Variants in ZNF532 observed in about 807,000 individuals in gnomAD.
ZNF532 encodes zinc finger protein 532.
In ZNF532, 22 loss-of-function variants were observed where a neutral mutation model predicts 89.3. The ratio of observed to expected loss-of-function variants is 0.25; its 90% confidence interval spans 0.18 to 0.35. The LOEUF (loss-of-function observed/expected upper bound fraction) is 0.35, where lower values mean the gene tolerates loss of function less well. ZNF532 is among the 10% of genes least tolerant of loss of function. ZNF532 has a pLI of 1.00. For synonymous variants in ZNF532, 606 were observed against 649.6 expected, an observed-to-expected ratio of 0.93 and a Z score of 1.02; for missense variants, 1,132 against 1,643.4, an observed-to-expected ratio of 0.69 and a Z score of 5.38.
intron 3 of ZNF532, among the ~76,000 whole-genome samples, chr18:58,927,373 TC>T (rs1160894718): frequency 6.6e-6 from 1 of 151,848 alleles, no homozygotes; most frequent in Non-Finnish European, 1.5e-5. Context: ...TAGACAGTGT[TC>T]CTTTAAAAGT....
intron 6 of ZNF532, among the ~76,000 whole-genome samples, chr18:58,949,035 T>C (rs2063912527): frequency 1.3e-5 from 2 of 152,150 alleles, no homozygotes; most frequent in Admixed American, 1.3e-4. Context: ...TAGTTTCTTT[T>C]TTTTTTTTCT....
rs145960305 is a variant in ZNF532 at position 58,869,031 on chromosome 18, T to C, written c.-18+3452T>C. Among the ~76,000 whole-genome samples, 15 of 152,306 alleles carry C rather than the reference T, an allele frequency of 9.8e-5. No homozygotes were observed. The South Asian group carries it at 1.9e-3, about 19-fold the overall frequency. ...TTTAATACAGTGGTAACTATTTGTG[T>C]TTCTGACCAATCTAAACACATAAAA... On this transcript the variant is annotated intron_variant, in intron 2 of 9. Transcript: ENST00000591808.
At chr18:58,937,170 A>G (rs1237328857) in intron 4 of ZNF532, among the ~76,000 whole-genome samples, 1 of 152,204 alleles carries the variant, frequency 6.6e-6, no homozygotes, top group Admixed American at 6.5e-5. Flanking sequence ...TTAATTCAAA[A>G]AATAAAGAAA....
intron 2 of ZNF532, among the ~76,000 whole-genome samples, chr18:58,917,385 C>T (rs1259569674): frequency 6.6e-6 from 1 of 152,210 alleles, no homozygotes; most frequent in Non-Finnish European, 1.5e-5. Context: ...CAAGTACACA[C>T]AGACTGGAGT....
intron 7 of ZNF532, among the ~76,000 whole-genome samples, chr18:58,967,865 C>A (rs186736291): frequency 2.0e-5 from 3 of 152,000 alleles, no homozygotes. Flanking sequence ...AATTGCCGGC[C>A]GAAAGGGAGT....
In ZNF532 at chr18:58,927,356, G is replaced by T. The variant is rs190446225; in HGVS notation, c.2346+6723G>T. On this transcript the variant is annotated intron_variant, in intron 3 of 9. Coordinates refer to ENST00000591808, the MANE Select transcript of ZNF532 (RefSeq NM_001375912.1). Reference sequence around the variant, plus strand: ...GCCGTAGTGTTTTCTGTGGGATTTGGCTGGAGTAGACAGTGTTCCTTTAAA... The same window carrying T: ...GCCGTAGTGTTTTCTGTGGGATTTGTCTGGAGTAGACAGTGTTCCTTTAAA... Among the ~76,000 whole-genome samples, 60 of 152,042 alleles carry T rather than the reference G, an allele frequency of 3.9e-4. No individual in the cohort carries two copies. The East Asian group carries it at 5.0e-3, about 13-fold the overall frequency.
intron 3 of ZNF532, among the ~76,000 whole-genome samples, chr18:58,933,739 T>C (rs1173209155): frequency 1.3e-5 from 2 of 152,232 alleles, no homozygotes; most frequent in East Asian, 1.9e-4. Context: ...GTTACTGATA[T>C]AGAGCCTTTT....
intron 6 of ZNF532, among the ~76,000 whole-genome samples, chr18:58,949,239 TA>T (rs1461329349): frequency 6.6e-6 from 1 of 152,232 alleles, no homozygotes. Context: ...TCTAGCTGCT[TA>T]ACTGTCCACT....
chr18:58,943,147 C>T (rs571140838), intron 5 of ZNF532, among the ~76,000 whole-genome samples: 4 of 150,284 alleles, frequency 2.7e-5, no homozygotes, highest in African/African-American at 9.8e-5. Context: ...TTTGACTGTC[C>T]ATTACTATAT....
chr18:58,877,041 C>T (rs2057485545), intron 2 of ZNF532, among the ~76,000 whole-genome samples: 1 of 149,140 alleles, frequency 6.7e-6, no homozygotes, highest in Non-Finnish European at 1.5e-5. Context: ...GCCTGGGCAA[C>T]AGAGTGAGAC....
At chr18:58,978,884 G>A (rs187692832) in intron 7 of ZNF532, among the ~76,000 whole-genome samples, 171 bp from the exon 8 acceptor site, 39 of 152,238 alleles carry the variant, frequency 2.6e-4, no homozygotes, top group Non-Finnish European at 4.6e-4. Flanking sequence ...ACTGTGACCC[G>A]TCACATGAGG....
intron 2 of ZNF532, among the ~76,000 whole-genome samples, chr18:58,901,843 C>A (rs1029274640): frequency 6.6e-6 from 1 of 152,176 alleles, no homozygotes. Flanking sequence ...CCACCCTGCT[C>A]TCACAGCCTG....
intron 7 of ZNF532, among the ~76,000 whole-genome samples, chr18:58,963,366 T>G (rs764883647): frequency 3.2e-4 from 48 of 152,140 alleles, no homozygotes; most frequent in Non-Finnish European, 4.4e-4. Flanking sequence ...TCACTTTCAG[T>G]TCACTCAGAG....
At chr18:58,942,083 C>T (rs988066725) in intron 5 of ZNF532, among the ~76,000 whole-genome samples, 92 of 148,448 alleles carry the variant, frequency 6.2e-4, no homozygotes, top group Admixed American at 2.4e-3. Context: ...AGTGCAGTGG[C>T]ACGATCTCAG....
intron 3 of ZNF532, among the ~76,000 whole-genome samples, chr18:58,933,275 T>C (rs1267316759): frequency 6.6e-6 from 1 of 152,184 alleles, no homozygotes; most frequent in East Asian, 1.9e-4. Flanking sequence ...AAATTTGTAT[T>C]TTAGTCCTTT....
intron 8 of ZNF532, chr18:58,980,967 C>T: frequency 6.4e-6 from 1 of 156,504 alleles, no homozygotes; most frequent in Non-Finnish European, 1.4e-5. Context: ...CTATCTTTGG[C>T]CTGCTTTATT....
Position 58,953,738 on chromosome 18 carries a change from G to T in ZNF532, c.3089G>T (p.Cys1030Phe). 1 of 1,614,148 alleles carries T rather than the reference G, an allele frequency of 6.2e-7. No individual in the cohort carries two copies. The highest frequency in any genetic ancestry group is 8.5e-7 in the Non-Finnish European group (1 of 1,179,998). Residue 1030 changes from cysteine to phenylalanine, a missense_variant, in exon 7 of 10, where the codon TGT becomes TTT. Cys to Phe is a radical substitution (Grantham distance 205). Around this residue, in one of 9 missense-constraint regions of ZNF532, gnomAD observed 415 missense variants for 604.8 expected, o/e 0.69. Coordinates refer to ENST00000591808, the MANE Select transcript of ZNF532 (RefSeq NM_001375912.1). ...VASPGWTCWE[C>F]DCLFMQRDVY... Reference sequence around the variant, plus strand: ...AGTCCTGGGTGGACGTGTTGGGAGTGTGACTGCCTGTTCATGCAGAGAGAT... The same window carrying T: ...AGTCCTGGGTGGACGTGTTGGGAGTTTGACTGCCTGTTCATGCAGAGAGAT...
At chr18:58,946,197 ATTCTATCTTGTTATC>A (rs2063638560) in intron 5 of ZNF532, among the ~76,000 whole-genome samples, 1 of 151,644 alleles carries the variant, frequency 6.6e-6, no homozygotes, top group Non-Finnish European at 1.5e-5. Context: ...CATACCATAC[ATTCTATCTTGTTATC>A]TTCTGTTTTA....
chr18:58,924,882 G>A (rs924405745), intron 3 of ZNF532, among the ~76,000 whole-genome samples: 3 of 152,108 alleles, frequency 2.0e-5, no homozygotes, highest in Admixed American at 6.5e-5. Flanking sequence ...ATCATATAGT[G>A]TATAACTCCT....
Sources: gnomAD v4.1 joint callset for allele counts (sites outside exome capture counted in the v4.1 genomes callset) on GRCh38, gnomAD v4.1.1 for gene constraint, gnomAD v4.1.1 regional missense constraint, MANE v1.5 for transcripts, NCBI Gene and HGNC (gene_info 2026-07-23, HGNC 2026-07-21) for gene names.